Variants in RBBP8 observed in about 807,000 individuals in gnomAD.
The protein encoded by RBBP8 is RB binding protein 8, endonuclease.
A neutral mutation model predicts 108.3 loss-of-function variants in RBBP8; 88 were observed. The observed-to-expected ratio is 0.81, with a 90% CI of 0.68 to 0.97. The LOEUF (loss-of-function observed/expected upper bound fraction) is 0.97. RBBP8 is among the 50% of genes least tolerant of loss of function. RBBP8 has a pLI of 0.00. For missense variants in RBBP8, 1,023 were observed against 1,049.0 expected, an observed-to-expected ratio of 0.98 and a Z score of 0.34; for synonymous variants, 332 against 348.2, an observed-to-expected ratio of 0.95 and a Z score of 0.52.
intron 1 of RBBP8, chr18:22,934,254 CG>C (rs367687525): frequency 2.8e-4 from 42 of 152,334 alleles, no homozygotes; most frequent in African/African-American, 1.0e-3. Flanking sequence ...CAAAAAGTGC[CG>C]GGCATGCGGG....
rs181027229 is a variant in RBBP8, at chr18:22,926,057, G to A, written c.-153-3326G>A. Among the ~76,000 whole-genome samples the A allele has an allele frequency of 7.0e-4, 106 of 152,260 alleles. No individual in the cohort carries two copies. In the East Asian group the frequency reaches 0.013, roughly 19 times the overall value. ...TTCATAAGCTTATATGAATAGATAC[G>A]AAATATTGTCCAAACAGCCACTGCA... On this transcript the variant is annotated intron_variant, in intron 3 of 4. Coordinates refer to the RBBP8 transcript ENST00000577588.
intron 16 of RBBP8, among the ~76,000 whole-genome samples, chr18:23,011,950 G>A (rs2046171039): frequency 1.3e-5 from 2 of 151,934 alleles, no homozygotes; most frequent in Non-Finnish European, 2.9e-5. Flanking sequence ...CAGGCATGGT[G>A]GCTCATGCCT....
intron 17 of RBBP8, among the ~76,000 whole-genome samples, chr18:23,019,648 C>G (rs1455150950): frequency 6.6e-6 from 1 of 152,044 alleles, no homozygotes; most frequent in Non-Finnish European, 1.5e-5. Flanking sequence ...TCTTTCACAT[C>G]TCAATAACTT....
chr18:22,928,851 G>C (rs1909891422), upstream of RBBP8, among the ~76,000 whole-genome samples: 2 of 151,944 alleles, frequency 1.3e-5, no homozygotes, highest in Non-Finnish European at 2.9e-5. Flanking sequence ...TGTATTTTTA[G>C]TAGAAACAGG....
At chr18:22,921,253 A>G (rs1909582197) in intron 3 of RBBP8, among the ~76,000 whole-genome samples, 1 of 152,162 alleles carries the variant, frequency 6.6e-6, no homozygotes, top group Admixed American at 6.5e-5. Flanking sequence ...TTCATCCACC[A>G]CTATGAGCAA....
intron 17 of RBBP8, among the ~76,000 whole-genome samples, chr18:23,019,898 A>G (rs1160695523): frequency 2.0e-5 from 3 of 150,406 alleles, no homozygotes; most frequent in African/African-American, 7.3e-5. Context: ...AGTAGCTGGG[A>G]CTACAGGCGC....
intron 2 of RBBP8, among the ~76,000 whole-genome samples, chr18:22,938,705 A>C (rs1241064412): frequency 1.3e-5 from 2 of 152,240 alleles, no homozygotes; most frequent in African/African-American, 4.8e-5. Flanking sequence ...TCTTAGCCTA[A>C]TTACCTAACC....
chr18:22,939,880 A>T (rs1442537075), intron 2 of RBBP8, among the ~76,000 whole-genome samples: 1 of 152,188 alleles, frequency 6.6e-6, no homozygotes. Flanking sequence ...ACCAGGCTTG[A>T]TAATTAAGTC....
At position 23,001,530 on chromosome 18, in the gene RBBP8, T is replaced by C. The variant is rs1470898166; in HGVS notation, c.2144-56T>C. On this transcript the variant is annotated intron_variant, in intron 14 of 18. Coordinates refer to ENST00000327155, the MANE Select transcript of RBBP8 (RefSeq NM_002894.3). ...GGTAGTTACTACAGTTTCATGATGG[T>C]CTACATATTAAGCAAAAGCTTGCTT... 1.9e-6 allele frequency: 3 copies of C among 1,599,466 alleles called. No individual in the cohort carries two copies. The South Asian group carries it at 3.3e-5, about 18-fold the overall frequency.
At chr18:22,958,151 G>A (rs1209613287) in intron 4 of RBBP8, among the ~76,000 whole-genome samples, 4 of 152,122 alleles carry the variant, frequency 2.6e-5, no homozygotes, top group Non-Finnish European at 4.4e-5. Flanking sequence ...GTTGACAATA[G>A]TTATCTTCTT....
intron 7 of RBBP8, among the ~76,000 whole-genome samples, chr18:22,982,886 G>T (rs957976377): frequency 3.9e-5 from 6 of 152,198 alleles, no homozygotes; most frequent in Non-Finnish European, 8.8e-5. Context: ...CAGCTATTAT[G>T]TAGATGAGTC....
At chr18:22,957,080 C>G (rs949837956) in intron 4 of RBBP8, among the ~76,000 whole-genome samples, 3 of 152,046 alleles carry the variant, frequency 2.0e-5, no homozygotes, top group African/African-American at 7.2e-5. Context: ...TACTTATAAT[C>G]AGGAGATGTA....
chr18:22,996,224 G>T, intron 12 of RBBP8, 150 bp from the exon 13 acceptor site: 1 of 1,291,064 alleles, frequency 7.7e-7, no homozygotes, highest in Non-Finnish European at 1.0e-6. Flanking sequence ...TTATGGAGCT[G>T]TGAGAGTTCT....
chr18:23,004,344 A>G (rs1215888612), intron 15 of RBBP8, among the ~76,000 whole-genome samples: 1 of 152,182 alleles, frequency 6.6e-6, no homozygotes, highest in African/African-American at 2.4e-5. Flanking sequence ...TAAAAAGAAC[A>G]AAATTCTGTC....
At chr18:22,916,070 GTCAA>G (rs1284219648) in intron 2 of RBBP8, among the ~76,000 whole-genome samples, 1 of 152,000 alleles carries the variant, frequency 6.6e-6, no homozygotes, top group African/African-American at 2.4e-5. Flanking sequence ...ATATAAATTT[GTCAA>G]TCAAATTAGG....
intron 16 of RBBP8, among the ~76,000 whole-genome samples, chr18:23,013,442 G>A (rs2046203899): frequency 6.6e-6 from 1 of 152,138 alleles, no homozygotes; most frequent in Non-Finnish European, 1.5e-5. Flanking sequence ...GCGCAGGTGA[G>A]CCCACCTGGT....
At chr18:22,930,728 G>A (rs1909991478), upstream of RBBP8, among the ~76,000 whole-genome samples, 1 of 152,104 alleles carries the variant, frequency 6.6e-6, no homozygotes, top group Admixed American at 6.5e-5. Flanking sequence ...CAGACACTGG[G>A]CTAGTTCCTG....
chr18:23,014,891 TTTG>T (rs1348066052), intron 16 of RBBP8, among the ~76,000 whole-genome samples: 1 of 152,030 alleles, frequency 6.6e-6, no homozygotes, highest in Non-Finnish European at 1.5e-5. Flanking sequence ...TTTTTTTTGT[TTTG>T]TTTTGTTTTG....
chr18:22,982,582 C>T (rs1388853195), intron 7 of RBBP8, among the ~76,000 whole-genome samples, 189 bp downstream of exon 7: 1 of 152,022 alleles, frequency 6.6e-6, no homozygotes, highest in African/African-American at 2.4e-5. Flanking sequence ...TGTATAGATA[C>T]GTGTCATCTA....
Sources: gnomAD v4.1 joint callset for allele counts (sites outside exome capture counted in the v4.1 genomes callset) on GRCh38, gnomAD v4.1.1 for gene constraint, MANE v1.5 for transcripts, NCBI Gene and HGNC (gene_info 2026-07-23, HGNC 2026-07-21) for gene names.